RASGRF2: variants seen among roughly 807,000 people sequenced by gnomAD.
The protein encoded by RASGRF2 is ras-specific guanine nucleotide-releasing factor 2.
Under a neutral mutation model 151.0 loss-of-function variants are expected in RASGRF2, and 76 were observed. That is an observed-to-expected ratio of 0.50 (90% confidence interval 0.42 to 0.61). The LOEUF (loss-of-function observed/expected upper bound fraction) is 0.61. Among genes scored for constraint, RASGRF2 ranks in the 20% least tolerant of loss-of-function variants. RASGRF2 has a pLI of 0.00. For synonymous variants in RASGRF2, 504 were observed against 566.5 expected (o/e 0.89, Z 1.57); for missense variants, 1,148 against 1,564.6 (o/e 0.73, Z 4.49).
intron 18 of RASGRF2, among the ~76,000 whole-genome samples, chr5:81,189,256 C>T (rs1190373991): frequency 6.6e-6 from 1 of 152,168 alleles, no homozygotes; most frequent in Non-Finnish European, 1.5e-5. Flanking sequence ...GATATCCCAC[C>T]TTGACAAGTG....
chr5:81,069,267 A>G (rs1402299511), intron 3 of RASGRF2, among the ~76,000 whole-genome samples: 3 of 152,234 alleles, frequency 2.0e-5, no homozygotes, highest in Non-Finnish European at 4.4e-5. Flanking sequence ...TTCTCTGATG[A>G]TGACAACTTG....
intron 12 of RASGRF2, among the ~76,000 whole-genome samples, chr5:81,103,351 A>T (rs573240623): frequency 6.6e-6 from 1 of 152,200 alleles, no homozygotes; most frequent in African/African-American, 2.4e-5. Context: ...GCTATAGCAT[A>T]TATTCTACAT....
In RASGRF2 at chr5:81,073,347, A is replaced by T; in HGVS notation, c.782A>T (p.Gln261Leu). 1 of 1,614,198 alleles carries T rather than the reference A, an allele frequency of 6.2e-7. No homozygotes were observed. The highest frequency in any genetic ancestry group is 1.3e-5 in the African/African-American group (1 of 75,054). The part of the protein sequence containing the change: ...MVEAESEYVH[Q>L]LYILVNGFLR... ...GAGGCAGAGTCAGAGTACGTTCACC[A>T]GCTCTACATCCTGGTCAATGGCTTT... The change falls in exon 5 of 27, where the codon CAG becomes CTG. Residue 261 changes from glutamine to leucine, a missense_variant. Physicochemically the swap from Gln to Leu is moderately radical, Grantham distance 113. Transcript: ENST00000265080.
Position 81,219,793 on chromosome 5 carries a change from C to A in RASGRF2, c.3621+15C>A. 6.4e-7 allele frequency: 1 copy of A among 1,572,248 alleles called. No homozygotes were observed. The highest frequency in any genetic ancestry group is 8.7e-7 in the Non-Finnish European group (1 of 1,148,318). On this transcript the variant is annotated intron_variant, in intron 26 of 26. Coordinates refer to ENST00000265080, the MANE Select transcript of RASGRF2 (RefSeq NM_006909.3). ...ATCAGCCAAAGGTAATATTATGTGG[C>A]TGTGAAGAAATTAATAAAGAAAAAA...
Position 81,127,039 on chromosome 5 carries a change from T to C in RASGRF2, c.2597-35T>C, listed in dbSNP as rs192154190. 7.5e-6 allele frequency: 12 copies of C among 1,599,156 alleles called. No homozygotes were observed. The African/African-American group carries it at 1.6e-4, about 21-fold the overall frequency. On this transcript the variant is annotated intron_variant, in intron 16 of 26. Transcript: ENST00000265080. The stretch of plus-strand genomic sequence containing the variant: ...TGTTACAGAATATTATCCATTTGCC[T>C]CACCATTCCATTTCCTTTCTTTTCA...
chr5:81,088,730 A>G (rs1456234085), intron 9 of RASGRF2, among the ~76,000 whole-genome samples: 1 of 152,178 alleles, frequency 6.6e-6, no homozygotes, highest in Non-Finnish European at 1.5e-5. Context: ...ATAACCCACA[A>G]ACATACTATA....
intron 1 of RASGRF2, among the ~76,000 whole-genome samples, chr5:80,985,595 ACTCT>A (rs929509368): frequency 6.6e-6 from 1 of 152,248 alleles, no homozygotes; most frequent in African/African-American, 2.4e-5. Context: ...AGAAATGTGT[ACTCT>A]CTAAAAAATA....
chr5:80,969,511 C>T (rs545278721), intron 1 of RASGRF2, among the ~76,000 whole-genome samples: 17 of 150,602 alleles, frequency 1.1e-4, no homozygotes, highest in African/African-American at 2.4e-4. Context: ...TGCAGTGGCG[C>T]GATCTTGGCT....
At chr5:81,214,744 G>T (rs1211214138) in intron 23 of RASGRF2, among the ~76,000 whole-genome samples, 1 of 152,196 alleles carries the variant, frequency 6.6e-6, no homozygotes, top group Non-Finnish European at 1.5e-5. Flanking sequence ...TCCATGCCCA[G>T]CCACGCTGCC....
intron 2 of RASGRF2, among the ~76,000 whole-genome samples, chr5:81,055,823 A>G (rs1167699226): frequency 6.6e-6 from 1 of 152,136 alleles, no homozygotes; most frequent in Admixed American, 6.5e-5. Context: ...TTATTGGTCT[A>G]TTCAGGGATT....
In RASGRF2 at chr5:81,225,743, A is replaced by G. The variant is rs1168152206; in HGVS notation, c.3687A>G (p.Leu1229=). 1.9e-6 allele frequency: 3 copies of G among 1,612,338 alleles called. No individual in the cohort carries two copies. The highest frequency in any genetic ancestry group is 3.4e-5 in the Admixed American group (2 of 59,484). Residue 1229 remains leucine (L), a synonymous_variant, in exon 27 of 27, where the codon CTA becomes CTG. Coordinates refer to ENST00000265080, the MANE Select transcript of RASGRF2 (RefSeq NM_006909.3). ...AAGATACGCTATATGAGCTGTCACTAAAAATTGAACCTCGACTCCCTGCTT... is the reference window on the plus strand; with the variant it reads ...AAGATACGCTATATGAGCTGTCACTGAAAATTGAACCTCGACTCCCTGCTT... ...IDEDTLYELS[L]KIEPRLPA is the part of the protein sequence containing the mutation.
chr5:81,165,693 C>T (rs79743002), intron 17 of RASGRF2, among the ~76,000 whole-genome samples: 1,712 of 152,322 alleles, frequency 0.011, 41 homozygotes, highest in African/African-American at 0.039. Flanking sequence ...ACTATATCAA[C>T]AGCCCCACCT....
chr5:81,180,880 C>T (rs942383679), intron 18 of RASGRF2, among the ~76,000 whole-genome samples: 1 of 152,018 alleles, frequency 6.6e-6, no homozygotes, highest in Non-Finnish European at 1.5e-5. Context: ...TTTCAGTGCA[C>T]GTTTGTAGAA....
rs760516971 is a variant in RASGRF2, at chr5:80,960,730, A to T, written c.-9A>T. 9.0e-6 allele frequency: 14 copies of T among 1,555,406 alleles called. No individual in the cohort carries two copies. In the Admixed American group the frequency reaches 2.1e-4, roughly 24 times the overall value. On this transcript the variant is annotated 5_prime_UTR_variant, in exon 1 of 27. Coordinates refer to ENST00000265080, the MANE Select transcript of RASGRF2 (RefSeq NM_006909.3). This position sits in a 1 kb window ranked among gnomAD's most constrained non-coding sequence, Gnocchi z 5.5. ...CGGCGGCCACCCGTGAGCCCTCCGCACCCGCACCATGCAGAAGAGCGTGCG... is the reference window on the plus strand; with the variant it reads ...CGGCGGCCACCCGTGAGCCCTCCGCTCCCGCACCATGCAGAAGAGCGTGCG...
At chr5:81,166,996 C>T (rs540028384) in intron 17 of RASGRF2, among the ~76,000 whole-genome samples, 56 of 152,246 alleles carry the variant, frequency 3.7e-4, no homozygotes, top group African/African-American at 1.3e-3. Flanking sequence ...TCCTGATCCC[C>T]CTCATGAAAT....
chr5:81,080,331 C>A, intron 6 of RASGRF2, 131 bp downstream of exon 6: 1 of 1,471,714 alleles, frequency 6.8e-7, no homozygotes, highest in Non-Finnish European at 9.0e-7. Flanking sequence ...TATCCCGGGA[C>A]CCTGTCTCCT....
At chr5:81,093,900 A>G (rs1217667700) in intron 10 of RASGRF2, among the ~76,000 whole-genome samples, 1 of 152,138 alleles carries the variant, frequency 6.6e-6, no homozygotes, top group Non-Finnish European at 1.5e-5. Context: ...CTAGATAGGC[A>G]AACTTTTTTA....
intron 17 of RASGRF2, among the ~76,000 whole-genome samples, chr5:81,135,361 G>T (rs1753729469): frequency 6.6e-6 from 1 of 152,088 alleles, no homozygotes; most frequent in East Asian, 1.9e-4. Flanking sequence ...TATTCCCAGA[G>T]TTGGGCAACA....
chr5:81,153,592 G>A (rs1345163036), intron 17 of RASGRF2, among the ~76,000 whole-genome samples: 1 of 152,148 alleles, frequency 6.6e-6, no homozygotes, highest in Non-Finnish European at 1.5e-5. Flanking sequence ...GGAACTGAAG[G>A]ATAATAAATA....
Sources: gnomAD v4.1 joint callset for allele counts (sites outside exome capture counted in the v4.1 genomes callset) on GRCh38, gnomAD v4.1.1 for gene constraint, Gnocchi (gnomAD v3.1) non-coding constraint, MANE v1.5 for transcripts, NCBI Gene and HGNC (gene_info 2026-07-23, HGNC 2026-07-21) for gene names.